Variants in TP63 observed in about 807,000 individuals in gnomAD.
TP63 encodes tumor protein 63.
In TP63, 17 loss-of-function variants were observed where a neutral mutation model predicts 82.8. The ratio of observed to expected loss-of-function variants is 0.21; its 90% CI spans 0.14 to 0.31. The LOEUF is 0.31. TP63 is among the 10% of genes least tolerant of loss of function. The pLI is 1.00. For missense variants in TP63, 648 were observed against 895.3 expected, an observed-to-expected ratio of 0.72 and a Z score of 3.52; for synonymous variants, 330 against 321.7, an observed-to-expected ratio of 1.03 and a Z score of -0.28.
intron 4 of TP63, among the ~76,000 whole-genome samples, chr3:189,851,338 C>T (rs1005123885): frequency 7.9e-5 from 12 of 152,062 alleles, no homozygotes; most frequent in Non-Finnish European, 1.8e-4. Context: ...GCAGGTAGAT[C>T]GCTTGAGCCC....
intron 3 of TP63, among the ~76,000 whole-genome samples, chr3:189,777,742 A>C (rs562939590): frequency 1.4e-5 from 2 of 143,136 alleles, no homozygotes; most frequent in South Asian, 4.4e-4. Flanking sequence ...ATTTCACCCG[A>C]CTTTGTAAAC....
chr3:189,619,274 A>G, the TP63 span, among the ~76,000 whole-genome samples: 1 of 152,202 alleles, frequency 6.6e-6, no homozygotes, highest in Non-Finnish European at 1.5e-5. Flanking sequence ...TTATGAAGTA[A>G]TGCCTCTGCG....
intron 1 of TP63, among the ~76,000 whole-genome samples, chr3:189,704,183 G>A (rs1718029423): frequency 6.6e-6 from 1 of 152,204 alleles, no homozygotes; most frequent in Non-Finnish European, 1.5e-5. Context: ...ATGATTGCCT[G>A]TAGGCAATAG....
At chr3:189,604,123 C>G in the TP63 span, among the ~76,000 whole-genome samples, 1 of 152,166 alleles carries the variant, frequency 6.6e-6, no homozygotes, top group African/African-American at 2.4e-5. Context: ...TGAAGTCAGA[C>G]AATTCTGAGC....
chr3:189,761,212 T>A (rs1173624384), intron 3 of TP63, among the ~76,000 whole-genome samples: 4 of 151,204 alleles, frequency 2.6e-5, no homozygotes. Flanking sequence ...CAACTTAAAT[T>A]TCTCCTCAGA....
chr3:189,894,844 GTATAAA>G lies in TP63; in HGVS notation c.*347_*352del. 1 of 269,420 alleles carries G rather than the reference GTATAAA, an allele frequency of 3.7e-6. No individual in the cohort carries two copies. The highest frequency in any genetic ancestry group is 1.0e-4 in the South Asian group (1 of 9,972). The allele number at this position is 269,420 out of a possible 1,614,324, so 16.7% of individuals were successfully genotyped here. ...ATAGTCTAAGACTATATATATAAAT[GTATAAA>G]TATACAGTATAGATTTTTGGGTGGG... On this transcript the variant is annotated 3_prime_UTR_variant, in exon 14 of 14. Transcript: ENST00000264731.
chr3:189,644,888 C>A (rs939644316), intron 1 of TP63, among the ~76,000 whole-genome samples: 2 of 151,634 alleles, frequency 1.3e-5, no homozygotes, highest in Non-Finnish European at 2.9e-5. Context: ...AGTAGTATCC[C>A]ATTGTGTATA....
intron 4 of TP63, among the ~76,000 whole-genome samples, chr3:189,810,408 A>G (rs1246527381): frequency 2.0e-5 from 3 of 152,218 alleles, no homozygotes. Context: ...AGGAGTCAGC[A>G]TGTCTGATGA....
chr3:189,792,708 A>T (rs1225126894), intron 3 of TP63, among the ~76,000 whole-genome samples: 1 of 152,048 alleles, frequency 6.6e-6, no homozygotes, highest in Non-Finnish European at 1.5e-5. Flanking sequence ...TTACTCAGCC[A>T]CTTTCTTTTT....
chr3:189,870,735 A>G (rs1388360344), intron 9 of TP63, among the ~76,000 whole-genome samples: 1 of 152,176 alleles, frequency 6.6e-6, no homozygotes, highest in Non-Finnish European at 1.5e-5. Flanking sequence ...TTATTGCATT[A>G]GGTCTTTGCC....
chr3:189,668,945 A>C (rs922625427), intron 1 of TP63, among the ~76,000 whole-genome samples: 1 of 152,086 alleles, frequency 6.6e-6, no homozygotes, highest in Admixed American at 6.6e-5. Flanking sequence ...GAAAAAAAGC[A>C]AACAGAAAAA....
chr3:189,747,028 G>A (rs548214275), intron 3 of TP63, among the ~76,000 whole-genome samples: 1 of 150,212 alleles, frequency 6.7e-6, no homozygotes, highest in East Asian at 1.9e-4. Flanking sequence ...TAATAATAAA[G>A]TAATCAATTT....
chr3:189,695,542 G>T (rs1356042447), intron 1 of TP63, among the ~76,000 whole-genome samples: 1 of 152,130 alleles, frequency 6.6e-6, no homozygotes, highest in Non-Finnish European at 1.5e-5. Flanking sequence ...GGGTGTTGTT[G>T]CTTCTAGGCT....
chr3:189,600,319 T>C, the TP63 span, among the ~76,000 whole-genome samples: 246 of 151,416 alleles, frequency 1.6e-3, 1 homozygote, highest in Middle Eastern at 6.9e-3. Context: ...CTCTGGGCTT[T>C]AGGTTTTTTT....
At chr3:189,865,982 G>A (rs1398583317) in intron 5 of TP63, among the ~76,000 whole-genome samples, 2 of 152,090 alleles carry the variant, frequency 1.3e-5, no homozygotes, top group Non-Finnish European at 2.9e-5. Context: ...TTGTAGACTG[G>A]GACTATAGGA....
At chr3:189,817,411 C>T (rs1246682002) in intron 4 of TP63, among the ~76,000 whole-genome samples, 3 of 152,070 alleles carry the variant, frequency 2.0e-5, no homozygotes, top group Non-Finnish European at 2.9e-5. Flanking sequence ...GGGGTACTAA[C>T]AAGCTATATG....
chr3:189,833,674 CTCTCTT>C (rs1210516262), intron 4 of TP63, among the ~76,000 whole-genome samples: 3 of 94,418 alleles, frequency 3.2e-5, no homozygotes, highest in African/African-American at 1.9e-4. Flanking sequence ...AATTTTCTCT[CTCTCTT>C]TTTTTTTTTT....
At chr3:189,757,800 A>G (rs997293195) in intron 3 of TP63, among the ~76,000 whole-genome samples, 4 of 152,126 alleles carry the variant, frequency 2.6e-5, no homozygotes, top group East Asian at 3.9e-4. Flanking sequence ...TTGTTACACT[A>G]TTTCACTCAA....
At chr3:189,637,010 C>G (rs1729826705) in intron 1 of TP63, among the ~76,000 whole-genome samples, 1 of 152,050 alleles carries the variant, frequency 6.6e-6, no homozygotes, top group Admixed American at 6.6e-5. Context: ...AGTTCAGGGT[C>G]TCAGGGCCAG....
Sources: allele counts gnomAD v4.1 joint callset (sites outside exome capture counted in the v4.1 genomes callset), GRCh38; gene constraint gnomAD v4.1.1; transcripts MANE v1.5; gene names NCBI Gene and HGNC (gene_info 2026-07-23, HGNC 2026-07-21).